The following GRAMD1B variants were observed in gnomAD, a reference collection of about 807,000 sequenced individuals.
GRAMD1B encodes protein Aster-B.
A neutral mutation model predicts 99.7 loss-of-function variants in GRAMD1B; 37 were observed. That is an observed-to-expected ratio of 0.37 (90% CI 0.29 to 0.49). The LOEUF (loss-of-function observed/expected upper bound fraction) is 0.49, where lower values mean the gene tolerates loss of function less well. GRAMD1B is among the 20% of genes least tolerant of loss of function. The pLI is 0.98. For missense variants in GRAMD1B, 888 were observed against 1,009.2 expected (o/e 0.88, Z 1.63); for synonymous variants, 427 against 387.6 (o/e 1.10, Z -1.19).
chr11:123,406,996 G>A (rs1309685020), intron 1 of GRAMD1B, among the ~76,000 whole-genome samples: 2 of 152,208 alleles, frequency 1.3e-5, no homozygotes, highest in Admixed American at 1.3e-4. Flanking sequence ...CCCTGTGGCA[G>A]TTTAGGTTTC....
chr11:123,624,402 G>C lies in GRAMD1B; in HGVS notation c.*1807G>C, dbSNP rs1487405169. ...TAAGGGCAGGATCAGAAAACAGGAAGGTCCATGCCCAGGTGATCCTCCAAG... is the reference window on the plus strand; with the variant it reads ...TAAGGGCAGGATCAGAAAACAGGAACGTCCATGCCCAGGTGATCCTCCAAG... On this transcript the variant is annotated 3_prime_UTR_variant, in exon 20 of 20. Transcript: ENST00000635736. 1.3e-5 allele frequency: 2 copies of C among 152,242 alleles called. No individual in the cohort carries two copies. The highest frequency in any genetic ancestry group is 2.9e-5 in the Non-Finnish European group (2 of 68,050). 9.4% of individuals were successfully genotyped at this position (152,242 alleles called of 1,614,324 possible).
chr11:123,625,870 C>T lies in GRAMD1B; in HGVS notation c.*3275C>T, dbSNP rs1373835667. 1 of 150,152 alleles carries T rather than the reference C, an allele frequency of 6.7e-6. No individual in the cohort carries two copies. The highest frequency in any genetic ancestry group is 1.5e-5 in the Non-Finnish European group (1 of 67,868). The allele number at this position is 150,152 out of a possible 1,614,324, so 9.3% of individuals were successfully genotyped here. On this transcript the variant is annotated 3_prime_UTR_variant, in exon 20 of 20. Coordinates refer to ENST00000635736, the MANE Select transcript of GRAMD1B (RefSeq NM_001387025.1). ...GTGTGGTAGGGCAGTGTCTGCATTC[C>T]CAGGAGACCCAGGGTGATTAAAATT...
chr11:123,449,115 TTTG>T (rs1240348931), intron 1 of GRAMD1B, among the ~76,000 whole-genome samples: 2 of 152,182 alleles, frequency 1.3e-5, no homozygotes, highest in Non-Finnish European at 2.9e-5. Context: ...GGCCTTTTCG[TTTG>T]TTTAGTTAGC....
upstream of GRAMD1B, among the ~76,000 whole-genome samples, chr11:123,429,242 T>C (rs141392598): frequency 8.7e-3 from 1,320 of 151,990 alleles, 16 homozygotes; most frequent in Non-Finnish European, 0.011. The surrounding 1 kb of genome is among the most constrained non-coding windows in gnomAD (Gnocchi z 4.0). Context: ...GACAAATGCA[T>C]TGGGCTGGGG....
At chr11:123,480,676 T>C (rs1002937172) in intron 1 of GRAMD1B, 140 bp from the exon 2 acceptor site, 11 of 393,160 alleles carry the variant, frequency 2.8e-5, no homozygotes, top group Non-Finnish European at 4.9e-5. Context: ...GTGCATTCTC[T>C]ATGCTAGACT....
chr11:123,482,088 T>G (rs900406274), intron 2 of GRAMD1B, among the ~76,000 whole-genome samples: 5 of 152,060 alleles, frequency 3.3e-5, no homozygotes, highest in Non-Finnish European at 7.4e-5. Context: ...GATTTTTTAA[T>G]TTTTTAATTT....
At chr11:123,529,553 G>A (rs954625641) in intron 2 of GRAMD1B, among the ~76,000 whole-genome samples, 4 of 152,192 alleles carry the variant, frequency 2.6e-5, no homozygotes, top group Non-Finnish European at 5.9e-5. Context: ...GGTGAGCAAG[G>A]TAAGGGCAGT....
intron 1 of GRAMD1B, among the ~76,000 whole-genome samples, chr11:123,471,193 G>A (rs1951000153): frequency 6.6e-6 from 1 of 152,124 alleles, no homozygotes; most frequent in Non-Finnish European, 1.5e-5. Context: ...GATGAAGGCT[G>A]TAAACTTCTC....
At position 123,600,458 on chromosome 11, in the gene GRAMD1B, TC is replaced by T. The variant is rs756157097; in HGVS notation, c.970-8del. On this transcript the variant is annotated splice_polypyrimidine_tract_variant and intron_variant, in intron 7 of 19. Transcript: ENST00000635736. ...ACAGATATTTATTGTTATTTTCTTT[TC>T]CAATCTAGCACTTCTTCACTTCGTT... is the stretch of plus-strand genomic sequence containing the variant. 19 of 1,569,254 alleles carry T rather than the reference TC, an allele frequency of 1.2e-5. No individual in the cohort carries two copies. The highest frequency in any genetic ancestry group is 2.7e-5 in the African/African-American group (2 of 73,970).
At chr11:123,401,551 G>C (rs892741745) in intron 1 of GRAMD1B, among the ~76,000 whole-genome samples, 5 of 152,238 alleles carry the variant, frequency 3.3e-5, no homozygotes, top group African/African-American at 9.6e-5. Flanking sequence ...GTTGCTGTAA[G>C]AGGCTCCTCC....
chr11:123,515,137 G>A (rs1427013740), intron 2 of GRAMD1B, among the ~76,000 whole-genome samples: 1 of 152,174 alleles, frequency 6.6e-6, no homozygotes, highest in African/African-American at 2.4e-5. Context: ...AGGAGTCTAG[G>A]GTGAATCGTT....
At chr11:123,479,677 G>A (rs1398684613) in intron 1 of GRAMD1B, among the ~76,000 whole-genome samples, 1 of 152,170 alleles carries the variant, frequency 6.6e-6, no homozygotes, top group African/African-American at 2.4e-5. Context: ...AGCATTGTGG[G>A]CTTTGTGGGC....
At chr11:123,379,629 T>A (rs913148099) in intron 1 of GRAMD1B, among the ~76,000 whole-genome samples, 1 of 152,242 alleles carries the variant, frequency 6.6e-6, no homozygotes, top group African/African-American at 2.4e-5. Context: ...TTATGAGTAA[T>A]GCTCCTGTGA....
rs572922471 is a variant in GRAMD1B, at chr11:123,492,415, C to T, written c.452+11522C>T. On this transcript the variant is annotated intron_variant, in intron 2 of 19. Transcript: ENST00000635736. The surrounding 1 kb of genome is among the most constrained non-coding windows in gnomAD (Gnocchi z 4.2). The stretch of plus-strand genomic sequence containing the variant: ...CTGTGTGTTCATTTCTATATCACCT[C>T]GTCGGGCACTTTGGTCTGACTCCAG... Among the ~76,000 whole-genome samples the T allele has an allele frequency of 1.3e-5, 2 of 152,180 alleles. No individual in the cohort carries two copies. The highest frequency in any genetic ancestry group is 2.1e-4 in the South Asian group (1 of 4,822).
chr11:123,419,623 T>A (rs907009596), intron 1 of GRAMD1B, among the ~76,000 whole-genome samples: 1 of 152,010 alleles, frequency 6.6e-6, no homozygotes, highest in African/African-American at 2.4e-5. Context: ...AGAGACCCTG[T>A]CTCTTAAAAC....
intron 1 of GRAMD1B, among the ~76,000 whole-genome samples, chr11:123,362,125 A>T (rs58079067): frequency 0.031 from 4,695 of 152,294 alleles, 253 homozygotes; most frequent in African/African-American, 0.11. Flanking sequence ...ACCAACAGCA[A>T]TGTTGTCTTC....
At chr11:123,362,802 T>A (rs754239658) in intron 1 of GRAMD1B, among the ~76,000 whole-genome samples, 11 of 151,930 alleles carry the variant, frequency 7.2e-5, no homozygotes, top group Non-Finnish European at 1.5e-4. Context: ...AGAGAGCAAT[T>A]CCTAGAAAAG....
chr11:123,616,317 A>G (rs1275074), intron 17 of GRAMD1B, among the ~76,000 whole-genome samples: 147,045 of 152,296 alleles, frequency 0.97, 71,044 homozygotes, highest in East Asian at 1. Context: ...GTGAGACTCC[A>G]TCTCAATAAA....
chr11:123,584,827 G>C (rs912693354), intron 4 of GRAMD1B, among the ~76,000 whole-genome samples: 1 of 152,150 alleles, frequency 6.6e-6, no homozygotes, highest in African/African-American at 2.4e-5. Flanking sequence ...CTTCCTACAA[G>C]GCCTCCTGGT....
Sources: gnomAD v4.1 joint callset for allele counts (sites outside exome capture counted in the v4.1 genomes callset) on GRCh38, gnomAD v4.1.1 for gene constraint, Gnocchi (gnomAD v3.1) non-coding constraint, MANE v1.5 for transcripts, NCBI Gene and HGNC (gene_info 2026-07-23, HGNC 2026-07-21) for gene names.